GPCPD1: variants seen among roughly 807,000 people sequenced by gnomAD.
GPCPD1 encodes the protein glycerophosphocholine phosphodiesterase 1, also known as glycerophosphocholine phosphodiesterase GPCPD1.
GPCPD1 carries 29 observed loss-of-function variants against 89.2 expected under a neutral mutation model. The ratio of observed to expected loss-of-function variants is 0.33; its 90% CI spans 0.24 to 0.44. The LOEUF is 0.44. Ranked by LOEUF, GPCPD1 falls within the 20% of genes least tolerant of loss-of-function variation. GPCPD1 has a pLI of 1.00. For missense variants in GPCPD1, 594 were observed against 808.9 expected, an observed-to-expected ratio of 0.73 and a Z score of 3.22; for synonymous variants, 258 against 266.3, an observed-to-expected ratio of 0.97 and a Z score of 0.30.
intron 2 of GPCPD1, among the ~76,000 whole-genome samples, chr20:5,601,863 C>T (rs1328996452): frequency 6.6e-6 from 1 of 152,142 alleles, no homozygotes; most frequent in African/African-American, 2.4e-5. Flanking sequence ...ATGTTACTTT[C>T]TCTTTCTGCT....
intron 19 of GPCPD1, among the ~76,000 whole-genome samples, chr20:5,557,710 C>CA (rs914874785): frequency 1.3e-5 from 2 of 152,172 alleles, no homozygotes; most frequent in African/African-American, 4.8e-5. Context: ...CCCTCACCCC[C>CA]AGGGTGATTT....
At chr20:5,589,299 T>C (rs899333838) in intron 4 of GPCPD1, among the ~76,000 whole-genome samples, 3 of 152,186 alleles carry the variant, frequency 2.0e-5, no homozygotes, top group Non-Finnish European at 4.4e-5. Flanking sequence ...TCTTAAATTT[T>C]CAGCTTTACT....
At chr20:5,599,114 A>C (rs1383692207) in intron 2 of GPCPD1, among the ~76,000 whole-genome samples, 2 of 152,230 alleles carry the variant, frequency 1.3e-5, no homozygotes, top group Non-Finnish European at 2.9e-5. Flanking sequence ...AGAGTACAAA[A>C]GGGATAAAAC....
intron 11 of GPCPD1, among the ~76,000 whole-genome samples, chr20:5,571,865 T>C (rs1196572702): frequency 1.3e-5 from 2 of 151,314 alleles, no homozygotes; most frequent in Non-Finnish European, 2.9e-5. Context: ...ACCAAGATCA[T>C]GCCACTGCAC....
At position 5,573,954 on chromosome 20, in the gene GPCPD1, T is replaced by C. The variant is rs371219007; in HGVS notation, c.1017A>G (p.Gln339=). 8 of 1,508,960 alleles carry C rather than the reference T, an allele frequency of 5.3e-6. No individual in the cohort carries two copies. The highest frequency in any genetic ancestry group is 1.7e-5 in the Admixed American group (1 of 59,814). The allele number at this position is 1,508,960 out of a possible 1,614,324, so 93.5% of individuals were successfully genotyped here. ...STTTAQLAKV[Q]ENTIASLRNA... ...TTCTTAAAGAAGCAATAGTATTTTC[T>C]TGAACTTTAGCCAGCCTGAAAAGAA... The change falls in exon 11 of 20, where the codon CAA becomes CAG. Residue 339 remains glutamine, a synonymous_variant. Transcript: ENST00000379019.
At chr20:5,582,458 C>T (rs918803424) in intron 6 of GPCPD1, among the ~76,000 whole-genome samples, 3 of 152,124 alleles carry the variant, frequency 2.0e-5, no homozygotes, top group Non-Finnish European at 4.4e-5. Context: ...ACAACCAAAA[C>T]ATTCAGGCCT....
Position 5,575,476 on chromosome 20 carries a change from C to T in GPCPD1, c.938G>A (p.Trp313Ter). 3.1e-6 allele frequency: 5 copies of T among 1,602,226 alleles called. No homozygotes were observed. The highest frequency in any genetic ancestry group is 4.3e-6 in the Non-Finnish European group (5 of 1,169,362). The change falls in exon 10 of 20, where the codon TGG (tryptophan) becomes TAG (stop). Residue 313 changes from tryptophan (W) to a stop codon, truncating the protein, a stop_gained. Coordinates refer to ENST00000379019, the MANE Select transcript of GPCPD1 (RefSeq NM_019593.5). LOFTEE classifies it high-confidence loss of function. Reference protein sequence around the residue: ...CDMKSSFSKYWKPRIPLDVGH... With the variant: ...CDMKSSFSKY ...AACATCCAATGGTATTCTTGGCTTC[C>T]AATACTTGGAAAATGAAGATTTCAT...
chr20:5,601,350 A>ACCCTGTTAAT (rs1330162147), intron 2 of GPCPD1, among the ~76,000 whole-genome samples: 3 of 137,282 alleles, frequency 2.2e-5, no homozygotes, highest in Non-Finnish European at 4.6e-5. Context: ...ATAGAGGGAG[A>ACCCTGTTAAT]CCCTGTTAAT....
chr20:5,601,711 G>A (rs141412059), intron 2 of GPCPD1, among the ~76,000 whole-genome samples: 13 of 152,066 alleles, frequency 8.5e-5, no homozygotes, highest in African/African-American at 2.2e-4. Context: ...TCATGGACTC[G>A]TTATTTCTCA....
intron 16 of GPCPD1, among the ~76,000 whole-genome samples, chr20:5,560,508 C>T (rs1986025376): frequency 6.6e-6 from 1 of 152,100 alleles, no homozygotes; most frequent in Non-Finnish European, 1.5e-5. Context: ...GGGTCTTGGG[C>T]ATATCAAGTA....
rs11479995 is a variant in GPCPD1, at chr20:5,581,814, CTTTTTTTTTTTTTTTTTTT to C, written c.350-1702_350-1684del. Among the ~76,000 whole-genome samples, 640 of 75,062 alleles carry C rather than the reference CTTTTTTTTTTTTTTTTTTT, an allele frequency of 8.5e-3. 4 individuals carry two copies. Among genetic ancestry groups the C allele is most frequent in the Admixed American group, 0.018 (112 of 6,120 alleles). 49.2% of individuals were successfully genotyped at this position (75,062 alleles called of 152,430 possible). ...ATGCTTAATAATTGTGGGACTTTAA[CTTTTTTTTTTTTTTTTTTT>C]TTTTTTTTTTTTTTGCAGAAAAGAC... is the stretch of plus-strand genomic sequence containing the variant. On this transcript the variant is annotated intron_variant, in intron 6 of 19. Coordinates refer to ENST00000379019, the MANE Select transcript of GPCPD1 (RefSeq NM_019593.5).
At chr20:5,580,229 CT>C (rs965557745) in intron 6 of GPCPD1, 98 bp from the exon 7 acceptor site, 55,256 of 452,462 alleles carry the variant, frequency 0.12, 4 homozygotes, top group South Asian at 0.17. Context: ...TTCACATTCA[CT>C]TTTTTTTTTT....
Position 5,609,018 on chromosome 20 carries a change from G to A in GPCPD1, c.-29+1824C>T, listed in dbSNP as rs574375296. ...TTCTTTTCCTCAAATAAACTTTCCC[G>A]ACACGTGACACTACTGATTTACCAG... On this transcript the variant is annotated intron_variant, in intron 1 of 19. Coordinates refer to ENST00000379019, the MANE Select transcript of GPCPD1 (RefSeq NM_019593.5). 8.5e-5 allele frequency among the ~76,000 whole-genome samples: 13 copies of A among 152,176 alleles called. 1 individual carries two copies. The highest frequency in any genetic ancestry group is 6.8e-3 in the Middle Eastern group (2 of 294).
intron 19 of GPCPD1, among the ~76,000 whole-genome samples, chr20:5,555,848 C>G (rs569492334): frequency 5.1e-4 from 78 of 152,300 alleles, no homozygotes; most frequent in African/African-American, 1.8e-3. Context: ...GAGTGAGACT[C>G]TGTCTCAAAA....
chr20:5,581,447 T>C, intron 6 of GPCPD1, among the ~76,000 whole-genome samples: 1 of 152,208 alleles, frequency 6.6e-6, no homozygotes, highest in Non-Finnish European at 1.5e-5. Flanking sequence ...ATTGTTCTAC[T>C]AGGGATCACT....
intron 14 of GPCPD1, 35 bp from the exon 15 acceptor site, chr20:5,565,113 A>G (rs771019199): frequency 9.5e-7 from 1 of 1,047,130 alleles, no homozygotes; most frequent in Non-Finnish European, 1.5e-6. Context: ...CAGTAAATAA[A>G]ATGCCACTAT....
At chr20:5,592,380 T>C (rs1979389648) in intron 4 of GPCPD1, among the ~76,000 whole-genome samples, 1 of 152,200 alleles carries the variant, frequency 6.6e-6, no homozygotes, top group Admixed American at 6.5e-5. Context: ...CACAATGTAA[T>C]TTAAGTTCAA....
At chr20:5,571,581 G>A (rs1668495548) in intron 11 of GPCPD1, among the ~76,000 whole-genome samples, 1 of 152,062 alleles carries the variant, frequency 6.6e-6, no homozygotes, top group Non-Finnish European at 1.5e-5. Flanking sequence ...GGAAGAAAAA[G>A]GCTTAATGAA....
At chr20:5,602,159 C>T (rs955149560) in intron 2 of GPCPD1, among the ~76,000 whole-genome samples, 17 of 152,330 alleles carry the variant, frequency 1.1e-4, no homozygotes, top group African/African-American at 4.1e-4. Context: ...GGTGGGGTCT[C>T]CCCCAGTATC....
Sources: allele counts gnomAD v4.1 joint callset (sites outside exome capture counted in the v4.1 genomes callset), GRCh38; gene constraint gnomAD v4.1.1; transcripts MANE v1.5; gene names NCBI Gene and HGNC (gene_info 2026-07-23, HGNC 2026-07-21).